Variants in DOCK11 observed in about 807,000 individuals in gnomAD.
DOCK11 encodes the protein dedicator of cytokinesis 11, also known as dedicator of cytokinesis protein 11.
In DOCK11, 70 loss-of-function variants were observed where a neutral mutation model predicts 169.1. That is an observed-to-expected ratio of 0.41 (90% CI 0.34 to 0.51). The LOEUF is 0.51. Ranked by LOEUF, DOCK11 falls within the 20% of genes least tolerant of loss-of-function variation. The pLI is 0.10. For missense variants in DOCK11, 1,166 were observed against 1,538.8 expected (o/e 0.76, Z 4.05); for synonymous variants, 529 against 541.3 (o/e 0.98, Z 0.32).
At chrX:118,503,070 A>G (rs1294824) in intron 1 of DOCK11, among the ~76,000 whole-genome samples, 45,355 of 93,537 alleles carry the variant, frequency 0.48, 9,081 homozygotes, top group Middle Eastern at 0.61. Flanking sequence ...AGAGATAACA[A>G]AGGCTTTTTT....
rs1300245388 is a variant in DOCK11, at chrX:118,671,135, G to A, written c.5189G>A (p.Arg1730His). 1.0e-5 allele frequency: 12 copies of A among 1,202,663 alleles called. No individual in the cohort carries two copies. Among genetic ancestry groups the A allele is most frequent in the South Asian group, 1.8e-5 (1 of 55,376 alleles). The change falls in exon 46 of 53, where the codon CGT becomes CAT. Residue 1730 changes from arginine to histidine, a missense_variant. By Grantham distance (29) the Arg-to-His change is conservative. Coordinates refer to ENST00000276202, the MANE Select transcript of DOCK11 (RefSeq NM_144658.4). ...ATCGTTCCAATTTATGAGAAACGTCGTGAGTTTGAGGTAGGCAATTTGAAC... is the reference window on the plus strand; with the variant it reads ...ATCGTTCCAATTTATGAGAAACGTCATGAGTTTGAGGTAGGCAATTTGAAC... ...KLIVPIYEKR[R>H]EFEKLTQVYR...
At chrX:118,522,177 G>C (rs2147322526) in intron 1 of DOCK11, among the ~76,000 whole-genome samples, 1 of 110,790 alleles carries the variant, frequency 9.0e-6, no homozygotes, top group African/African-American at 3.3e-5. Context: ...AAATTTAGCT[G>C]GGTGTGGTGG....
intron 24 of DOCK11, among the ~76,000 whole-genome samples, chrX:118,606,811 C>A (rs2014517789): frequency 9.0e-6 from 1 of 111,507 alleles, no homozygotes; most frequent in Admixed American, 9.5e-5. Context: ...AATTGTTAAT[C>A]ATTGAGCTTC....
chrX:118,646,890 G>A (rs1260205008), intron 40 of DOCK11, among the ~76,000 whole-genome samples: 1 of 111,388 alleles, frequency 9.0e-6, no homozygotes, highest in Non-Finnish European at 1.9e-5. Flanking sequence ...TTTAAAAGAT[G>A]TCCCTCTAGC....
intron 1 of DOCK11, among the ~76,000 whole-genome samples, chrX:118,539,935 C>T (rs2011905052): frequency 9.4e-6 from 1 of 106,581 alleles, no homozygotes; most frequent in African/African-American, 3.4e-5. Flanking sequence ...CCTGTAATCC[C>T]ACCTACTCGG....
intron 38 of DOCK11, 80 bp from the exon 39 acceptor site, chrX:118,641,110 G>T: frequency 1.3e-6 from 1 of 758,328 alleles, no homozygotes; most frequent in Non-Finnish European, 2.0e-6. Context: ...CTTGTCTTAA[G>T]TCTTTGGGTA....
intron 14 of DOCK11, among the ~76,000 whole-genome samples, chrX:118,581,120 C>A (rs1212278283): frequency 2.7e-5 from 3 of 112,039 alleles, no homozygotes; most frequent in Non-Finnish European, 5.6e-5. Flanking sequence ...TGTGGTACAG[C>A]CTGTACAGCT....
chrX:118,676,839 C>G, intron 48 of DOCK11, 102 bp downstream of exon 48: 1 of 737,462 alleles, frequency 1.4e-6, no homozygotes, highest in Non-Finnish European at 1.9e-6. Flanking sequence ...AGCATGAAAA[C>G]AGAGCTTTCC....
Position 118,562,739 on chromosome X carries a change from T to C in DOCK11, c.693+1222T>C, listed in dbSNP as rs967965427. On this transcript the variant is annotated intron_variant, in intron 7 of 52. Transcript: ENST00000276202. ...ATATAATTTCTCCTTCTATTCCCGT[T>C]TGAACCTTATCTTTTATGACTCAGC... Among the ~76,000 whole-genome samples, 5 of 112,254 alleles carry C rather than the reference T, an allele frequency of 4.5e-5. 1 individual carries two copies. Among genetic ancestry groups the C allele is most frequent in the Non-Finnish European group, 9.4e-5 (5 of 53,298 alleles).
intron 34 of DOCK11, among the ~76,000 whole-genome samples, chrX:118,628,937 A>G (rs1048297891): frequency 8.9e-6 from 1 of 112,384 alleles, no homozygotes; most frequent in African/African-American, 3.2e-5. Context: ...ACTTAGAACA[A>G]CCAGCTATGG....
intron 38 of DOCK11, among the ~76,000 whole-genome samples, chrX:118,640,541 A>T (rs1053513627): frequency 8.9e-6 from 1 of 112,066 alleles, no homozygotes; most frequent in Non-Finnish European, 1.9e-5. Flanking sequence ...ATAGGGCACT[A>T]CTGTTTATCT....
At chrX:118,663,905 C>A (rs2016281787) in intron 45 of DOCK11, among the ~76,000 whole-genome samples, 1 of 109,844 alleles carries the variant, frequency 9.1e-6, no homozygotes. Flanking sequence ...GATCTCTTGA[C>A]CTCATGATCC....
intron 31 of DOCK11, 93 bp downstream of exon 31, chrX:118,618,821 T>C (rs2014889027): frequency 2.7e-6 from 2 of 743,411 alleles, no homozygotes; most frequent in Admixed American, 4.0e-5. Context: ...AGGAGCATTA[T>C]ATAAGCATTG....
chrX:118,604,006 A>G (rs943936289), intron 23 of DOCK11, among the ~76,000 whole-genome samples: 8 of 112,031 alleles, frequency 7.1e-5, no homozygotes, highest in Non-Finnish European at 1.5e-4. Flanking sequence ...TCTTCGCACT[A>G]TTGACATTTT....
chrX:118,641,137 C>T, intron 38 of DOCK11, 53 bp from the exon 39 acceptor site: 1 of 910,306 alleles, frequency 1.1e-6, no homozygotes, highest in Non-Finnish European at 1.6e-6. Flanking sequence ...CATTCAACAC[C>T]ATTATGTGCA....
chrX:118,502,739 G>C (rs1004338698), intron 1 of DOCK11, among the ~76,000 whole-genome samples: 5 of 107,783 alleles, frequency 4.6e-5, no homozygotes, highest in Non-Finnish European at 9.7e-5. Context: ...ATTCATAAAG[G>C]TTAAAAAAAG....
intron 6 of DOCK11, among the ~76,000 whole-genome samples, chrX:118,548,787 A>C (rs1173203681): frequency 1.8e-5 from 2 of 112,444 alleles, no homozygotes; most frequent in African/African-American, 6.5e-5. Context: ...CTATAAGATA[A>C]TAAATTTGTG....
At chrX:118,640,799 C>T (rs1191390662) in intron 38 of DOCK11, among the ~76,000 whole-genome samples, 1 of 9,920 alleles carries the variant, frequency 1.0e-4, no homozygotes, top group Non-Finnish European at 1.4e-4. Context: ...ACACTGTGAG[C>T]CCTCTTTTTT....
Position 118,581,805 on chromosome X carries a change from T to TAAAAAAAAAAAAA in DOCK11, c.1595+1649_1595+1661dup, listed in dbSNP as rs35095116. Among the ~76,000 whole-genome samples the TAAAAAAAAAAAAA allele has an allele frequency of 1.6e-4, 2 of 12,744 alleles. 1 individual carries two copies. Among genetic ancestry groups the TAAAAAAAAAAAAA allele is most frequent in the Admixed American group, 2.4e-3 (2 of 848 alleles). The allele number at this position is 12,744 out of a possible 115,157, so 11.1% of individuals were successfully genotyped here. ...GGCGACAGAGCGAGACTCCGTCTCC[T>TAAAAAAAAAAAAA]AAAAAAAAAAAAAAAAAAAAAAAAA... On this transcript the variant is annotated intron_variant, in intron 14 of 52. Transcript: ENST00000276202.
Sources: gnomAD v4.1 joint callset for allele counts (sites outside exome capture counted in the v4.1 genomes callset) on GRCh38, gnomAD v4.1.1 for gene constraint, MANE v1.5 for transcripts, NCBI Gene and HGNC (gene_info 2026-07-23, HGNC 2026-07-21) for gene names.